The following SLC30A5 variants were observed in gnomAD, a reference collection of about 807,000 sequenced individuals.
The protein encoded by SLC30A5 is proton-coupled zinc antiporter SLC30A5.
SLC30A5 carries 33 observed loss-of-function variants against 79.6 expected under a neutral mutation model. That is an observed-to-expected ratio of 0.41 (90% CI 0.31 to 0.55). The LOEUF (loss-of-function observed/expected upper bound fraction) is 0.55, where lower values mean the gene tolerates loss of function less well. SLC30A5 is among the 20% of genes least tolerant of loss of function. The pLI is 0.20. For missense variants in SLC30A5, 788 were observed against 928.1 expected (o/e 0.85, Z 1.96); for synonymous variants, 299 against 319.7 (o/e 0.94, Z 0.69).
rs138163982 is a variant in SLC30A5 at position 69,115,884 on chromosome 5, T to C, written c.784-42T>C. 1.3e-4 allele frequency: 188 copies of C among 1,478,460 alleles called. 2 individuals are homozygous for C. In the African/African-American group the frequency reaches 2.0e-3, roughly 16 times the overall value. The allele number at this position is 1,478,460 out of a possible 1,614,324, so 91.6% of individuals were successfully genotyped here. A position where few individuals can be genotyped will look rare whatever the true frequency, so the allele number is the denominator to read the frequency against. On this transcript the variant is annotated intron_variant, in intron 8 of 15. Transcript: ENST00000396591. ...GAAACATCTTGTAAGATGTGAACTT[T>C]ATACATGTATAGTCTTGACAATTCT...
chr5:69,117,361 G>A lies in SLC30A5; in HGVS notation c.1404G>A (p.Met468Ile), dbSNP rs533175482. ...ALVMGLFAAL[M>I]SRWKATRIFS... Reference sequence around the variant, plus strand: ...TCATGGGACTTTTTGCTGCCCTGATGAGTAGGTGGAAAGCCACTCGGATTT... The same window carrying A: ...TCATGGGACTTTTTGCTGCCCTGATAAGTAGGTGGAAAGCCACTCGGATTT... Residue 468 changes from methionine (M) to isoleucine (I), a missense_variant, in exon 11 of 16, where the codon ATG becomes ATA. Met to Ile is a conservative substitution (Grantham distance 10, BLOSUM62 1). Coordinates refer to ENST00000396591, the MANE Select transcript of SLC30A5 (RefSeq NM_022902.5). 3 of 1,613,992 alleles carry A rather than the reference G, an allele frequency of 1.9e-6. No homozygotes were observed. The highest frequency in any genetic ancestry group is 1.1e-5 in the South Asian group (1 of 91,066).
At chr5:69,107,648 T>C (rs1746116838) in intron 4 of SLC30A5, among the ~76,000 whole-genome samples, 1 of 152,106 alleles carries the variant, frequency 6.6e-6, no homozygotes, top group African/African-American at 2.4e-5. Flanking sequence ...AGCTCCATTA[T>C]AATCTTATGG....
chr5:69,107,508 A>T (rs1006716491), intron 4 of SLC30A5, among the ~76,000 whole-genome samples: 3 of 152,160 alleles, frequency 2.0e-5, no homozygotes, highest in Non-Finnish European at 4.4e-5. Flanking sequence ...TATTATCATT[A>T]TCAAGTCTTA....
chr5:69,126,875 GAAAA>G (rs139486374), intron 14 of SLC30A5, among the ~76,000 whole-genome samples: 1 of 145,684 alleles, frequency 6.9e-6, no homozygotes, highest in African/African-American at 2.5e-5. Flanking sequence ...GTGCAAAAAA[GAAAA>G]AAAAAAATCA....
chr5:69,098,650 A>T (rs997797812), intron 1 of SLC30A5, among the ~76,000 whole-genome samples: 1 of 152,240 alleles, frequency 6.6e-6, no homozygotes, highest in Admixed American at 6.5e-5. Flanking sequence ...AAGGCACTAT[A>T]CATGGGGTTT....
At chr5:69,105,113 A>G (rs1297843222) in intron 4 of SLC30A5, among the ~76,000 whole-genome samples, 1 of 152,228 alleles carries the variant, frequency 6.6e-6, no homozygotes, top group Non-Finnish European at 1.5e-5. Flanking sequence ...TTTTTGCACA[A>G]TTTTGCAAAT....
chr5:69,117,520 G>T (rs1746404094), intron 11 of SLC30A5, 124 bp downstream of exon 11: 1 of 852,328 alleles, frequency 1.2e-6, no homozygotes, highest in African/African-American at 1.7e-5. Context: ...TAAAAAATGT[G>T]AAGTAAATAA....
intron 1 of SLC30A5, 71 bp from the exon 2 acceptor site, chr5:69,100,736 T>G: frequency 1.4e-6 from 2 of 1,395,126 alleles, no homozygotes; most frequent in Non-Finnish European, 2.0e-6. Context: ...ACCTCTTGTT[T>G]AAAAAACCAG....
At position 69,110,997 on chromosome 5, in the gene SLC30A5, CT is replaced by C. The variant is rs565058785; in HGVS notation, c.448-2129del. Among the ~76,000 whole-genome samples the C allele has an allele frequency of 6.3e-3, 895 of 142,636 alleles. 2 individuals carry two copies. The highest frequency in any genetic ancestry group is 8.8e-3 in the Non-Finnish European group (567 of 64,708). The allele number at this position is 142,636 out of a possible 152,430, so 93.6% of individuals were successfully genotyped here. Reference sequence around the variant, plus strand: ...GTCCAGGACTTGATGATTGTTTTTTCTTTTTTTTTTTTTTGAGATGGAGTCT... The same window carrying C: ...GTCCAGGACTTGATGATTGTTTTTTCTTTTTTTTTTTTTGAGATGGAGTCT... On this transcript the variant is annotated intron_variant, in intron 5 of 15. Coordinates refer to ENST00000396591, the MANE Select transcript of SLC30A5 (RefSeq NM_022902.5).
Position 69,125,759 on chromosome 5 carries a change from A to T in SLC30A5, c.1999-2245A>T, listed in dbSNP as rs548410852. 7.0e-3 allele frequency among the ~76,000 whole-genome samples: 374 copies of T among 53,766 alleles called. 1 individual carries two copies. The highest frequency in any genetic ancestry group is 0.021 in the African/African-American group (361 of 17,376). 35.3% of individuals were successfully genotyped at this position (53,766 alleles called of 152,430 possible). On this transcript the variant is annotated intron_variant, in intron 14 of 15. Coordinates refer to ENST00000396591, the MANE Select transcript of SLC30A5 (RefSeq NM_022902.5). ...GAGGCTGAGGCAGGAGAATGGCATG[A>T]ACCTGGGAGGCGGAGCTTGCAGTGA... is the stretch of plus-strand genomic sequence containing the variant.
chr5:69,106,105 T>G (rs1036417172), intron 4 of SLC30A5, among the ~76,000 whole-genome samples: 15 of 152,300 alleles, frequency 9.8e-5, no homozygotes, highest in African/African-American at 3.6e-4. Context: ...TTGTGAAAAG[T>G]CCTTTCCCCT....
chr5:69,096,670 C>T (rs1262871565), intron 1 of SLC30A5, among the ~76,000 whole-genome samples: 1 of 152,142 alleles, frequency 6.6e-6, no homozygotes, highest in Non-Finnish European at 1.5e-5. Context: ...CAGAAGGACC[C>T]TTCTGGAAAA....
At position 69,114,656 on chromosome 5, in the gene SLC30A5, G is replaced by A. The variant is rs150118420; in HGVS notation, c.612+160G>A. On this transcript the variant is annotated intron_variant, in intron 7 of 15. Coordinates refer to ENST00000396591, the MANE Select transcript of SLC30A5 (RefSeq NM_022902.5). ...CAAGGCAGGTGGATCACCTGAGGTC[G>A]GGAGTTCAAGACCAGCCTGACTGAC... Among the ~76,000 whole-genome samples, 2,449 of 152,182 alleles carry A rather than the reference G, an allele frequency of 0.016. 57 individuals carry two copies. The highest frequency in any genetic ancestry group is 0.055 in the African/African-American group (2,302 of 41,522).
intron 1 of SLC30A5, among the ~76,000 whole-genome samples, chr5:69,096,209 G>GA (rs1260983649): frequency 6.6e-6 from 1 of 152,096 alleles, no homozygotes; most frequent in East Asian, 1.9e-4. Context: ...TAGTCCAGGG[G>GA]AAAAAAATAC....
At chr5:69,114,080 C>T (rs146941593) in intron 6 of SLC30A5, among the ~76,000 whole-genome samples, 1 of 152,320 alleles carries the variant, frequency 6.6e-6, no homozygotes. Flanking sequence ...AGATTCCTTG[C>T]TCTTGTACCT....
intron 14 of SLC30A5, among the ~76,000 whole-genome samples, chr5:69,126,822 T>G (rs1746709047): frequency 6.7e-6 from 1 of 150,154 alleles, no homozygotes; most frequent in Admixed American, 6.7e-5. Flanking sequence ...TATATATATA[T>G]ATGTATATAT....
chr5:69,104,473 C>G (rs1462664658), intron 3 of SLC30A5, 158 bp from the exon 4 acceptor site: 1 of 1,376,732 alleles, frequency 7.3e-7, no homozygotes, highest in Non-Finnish European at 9.3e-7. Flanking sequence ...GAAATCTAGA[C>G]TTAGTCAAGG....
chr5:69,105,573 A>G (rs1277088161), intron 4 of SLC30A5, among the ~76,000 whole-genome samples: 2 of 151,794 alleles, frequency 1.3e-5, no homozygotes, highest in African/African-American at 4.8e-5. Context: ...GCCAGAAATC[A>G]CTTGAACTCA....
At chr5:69,105,157 T>A (rs953527896) in intron 4 of SLC30A5, among the ~76,000 whole-genome samples, 17 of 152,184 alleles carry the variant, frequency 1.1e-4, no homozygotes, top group African/African-American at 4.1e-4. Flanking sequence ...AAGTAGTATA[T>A]CAATTATCAG....
Sources: gnomAD v4.1 joint callset for allele counts (sites outside exome capture counted in the v4.1 genomes callset) on GRCh38, gnomAD v4.1.1 for gene constraint, MANE v1.5 for transcripts, NCBI Gene and HGNC (gene_info 2026-07-23, HGNC 2026-07-21) for gene names.